Variants in DERA observed in about 807,000 individuals in gnomAD.
DERA encodes deoxyribose-phosphate aldolase.
DERA carries 15 observed loss-of-function variants against 41.1 expected under a neutral mutation model. The ratio of observed to expected loss-of-function variants is 0.37; its 90% CI spans 0.24 to 0.56. DERA has a LOEUF of 0.56. Among genes scored for constraint, DERA ranks in the 20% least tolerant of loss-of-function variants. The pLI, the probability that DERA is intolerant of heterozygous loss-of-function variation, is 0.81. For missense variants in DERA, 396 were observed against 403.4 expected (o/e 0.98, Z 0.16); for synonymous variants, 139 against 137.4 (o/e 1.01, Z -0.08).
intron 6 of DERA, among the ~76,000 whole-genome samples, chr12:16,007,260 T>G (rs3782532): frequency 0.026 from 3,866 of 150,730 alleles, 162 homozygotes; most frequent in African/African-American, 0.081. Context: ...CTTGGCTCAC[T>G]GCAACCTCCG....
rs758347406 is a variant in DERA, at chr12:15,941,122, G to A, written c.32-15814G>A. Among the ~76,000 whole-genome samples, 44 of 152,248 alleles carry A rather than the reference G, an allele frequency of 2.9e-4. No individual in the cohort carries two copies. The highest frequency in any genetic ancestry group is 7.2e-4 in the Admixed American group (11 of 15,298). On this transcript the variant is annotated intron_variant, in intron 1 of 8. Transcript: ENST00000428559. This position sits in a 1 kb window ranked among gnomAD's most constrained non-coding sequence, Gnocchi z 4.5. ...TTACAGAATTTGATAAATCATAAAA[G>A]CATTGCTTTCAGTGTGCTCTCTGCA...
In DERA at chr12:16,003,569, C is replaced by T. The variant is rs972992259; in HGVS notation, c.637+21133C>T. Among the ~76,000 whole-genome samples, 1 of 152,064 alleles carries T rather than the reference C, an allele frequency of 6.6e-6. No individual in the cohort carries two copies. The highest frequency in any genetic ancestry group is 2.4e-5 in the African/African-American group (1 of 41,406). On this transcript the variant is annotated intron_variant, in intron 6 of 8. Transcript: ENST00000428559. The surrounding 1 kb of genome is among the most constrained non-coding windows in gnomAD (Gnocchi z 4.8). ...GGGGTTAGGGTTTGGGTTAGAGAAG[C>T]CTACTACTGTAGGCTAGATGCCAAC...
chr12:15,936,901 C>T lies in DERA; in HGVS notation c.32-20035C>T, dbSNP rs78380131. Among the ~76,000 whole-genome samples, 30,573 of 141,504 alleles carry T rather than the reference C, an allele frequency of 0.22. 3,702 individuals are homozygous for T. Among genetic ancestry groups the T allele is most frequent in the Admixed American group, 0.33 (4,847 of 14,668 alleles). 92.8% of individuals were successfully genotyped at this position (141,504 alleles called of 152,430 possible). A position where few individuals can be genotyped will look rare whatever the true frequency, so the allele number is the denominator to read the frequency against. On this transcript the variant is annotated intron_variant, in intron 1 of 8. Coordinates refer to ENST00000428559, the MANE Select transcript of DERA (RefSeq NM_015954.4). The surrounding 1 kb of genome is among the most constrained non-coding windows in gnomAD (Gnocchi z 4.6). Reference sequence around the variant, plus strand: ...TTGTCTTGTCTTGTCCTGTCCTGTCCTGTCCTGTCCTGTCCTGTCCTGTCC... The same window carrying T: ...TTGTCTTGTCTTGTCCTGTCCTGTCTTGTCCTGTCCTGTCCTGTCCTGTCC...
intron 1 of DERA, among the ~76,000 whole-genome samples, chr12:15,933,447 A>C (rs1948344016): frequency 6.6e-6 from 1 of 151,828 alleles, no homozygotes; most frequent in Admixed American, 6.6e-5. Flanking sequence ...TTCCTCCTAG[A>C]TTTTAAAATA....
In DERA at chr12:15,993,480, C is replaced by CT. The variant is rs74499962; in HGVS notation, c.637+11059dup. On this transcript the variant is annotated intron_variant, in intron 6 of 8. Coordinates refer to ENST00000428559, the MANE Select transcript of DERA (RefSeq NM_015954.4). This position sits in a 1 kb window ranked among gnomAD's most constrained non-coding sequence, Gnocchi z 4.4. ...ATCTAGACTCCTGTGGTGTTGTGGC[C>CT]TTTTTTTTTTTTTTTAAAAAAAATA... Among the ~76,000 whole-genome samples, 8,589 of 135,066 alleles carry CT rather than the reference C, an allele frequency of 0.064. 322 individuals carry two copies. Among genetic ancestry groups the CT allele is most frequent in the Middle Eastern group, 0.12 (31 of 266 alleles). The allele number at this position is 135,066 out of a possible 152,430, so 88.6% of individuals were successfully genotyped here.
chr12:15,920,605 C>A (rs934246109), intron 1 of DERA, among the ~76,000 whole-genome samples: 1 of 151,694 alleles, frequency 6.6e-6, no homozygotes, highest in Non-Finnish European at 1.5e-5. Context: ...GAGGCTGAGG[C>A]GGGCGGATCA....
At position 16,004,566 on chromosome 12, in the gene DERA, C is replaced by T. The variant is rs1411984520; in HGVS notation, c.637+22130C>T. Among the ~76,000 whole-genome samples, 1 of 152,132 alleles carries T rather than the reference C, an allele frequency of 6.6e-6. No homozygotes were observed. The highest frequency in any genetic ancestry group is 2.4e-5 in the African/African-American group (1 of 41,432). On this transcript the variant is annotated intron_variant, in intron 6 of 8. Coordinates refer to ENST00000428559, the MANE Select transcript of DERA (RefSeq NM_015954.4). This position sits in a 1 kb window ranked among gnomAD's most constrained non-coding sequence, Gnocchi z 4.2. ...TCTGACAGAGGAAGAAAGAAAAGGA[C>T]TAACCACCTTTCTAAATGTTTAATA...
intron 1 of DERA, among the ~76,000 whole-genome samples, chr12:15,920,033 A>G (rs1371442774): frequency 6.6e-6 from 1 of 151,462 alleles, no homozygotes. Flanking sequence ...AGAGGGAGGG[A>G]GGGAGAGAGA....
chr12:15,911,477 CG>C lies in DERA; in HGVS notation c.31+67del. The C allele has an allele frequency of 7.2e-7, 1 of 1,384,436 alleles. No homozygotes were observed. Among genetic ancestry groups the C allele is most frequent in the Admixed American group, 3.1e-5 (1 of 32,068 alleles). 85.8% of individuals were successfully genotyped at this position (1,384,436 alleles called of 1,614,324 possible). The stretch of plus-strand genomic sequence containing the variant: ...GCGTTCAGCGCCGCCGGGACTAGCG[CG>C]GGGCCTGCTGCCGCCCAGTGCCCTG... On this transcript the variant is annotated intron_variant, in intron 1 of 8. Transcript: ENST00000428559. This position sits in a 1 kb window ranked among gnomAD's most constrained non-coding sequence, Gnocchi z 4.5.
rs1053406016 is a variant in DERA at position 16,004,108 on chromosome 12, A to G, written c.637+21672A>G. On this transcript the variant is annotated intron_variant, in intron 6 of 8. Transcript: ENST00000428559. This position sits in a 1 kb window ranked among gnomAD's most constrained non-coding sequence, Gnocchi z 4.2. ...ATTTCCAGCCGGCTGTGAATTTACAAACTTTTGGAATGCAATCTATTTCTA... is the reference window on the plus strand; with the variant it reads ...ATTTCCAGCCGGCTGTGAATTTACAGACTTTTGGAATGCAATCTATTTCTA... Among the ~76,000 whole-genome samples, 3 of 152,206 alleles carry G rather than the reference A, an allele frequency of 2.0e-5. No homozygotes were observed. Among genetic ancestry groups the G allele is most frequent in the African/African-American group, 7.2e-5 (3 of 41,454 alleles).
In DERA at chr12:15,992,014, C is replaced by T. The variant is rs1592038973; in HGVS notation, c.637+9578C>T. ...TGCTGTTATACTCTTAGGACAGTTG[C>T]AAATACCAGTAGCATTTGTAACATA... is the stretch of plus-strand genomic sequence containing the variant. On this transcript the variant is annotated intron_variant, in intron 6 of 8. Transcript: ENST00000428559. The surrounding 1 kb of genome is among the most constrained non-coding windows in gnomAD (Gnocchi z 4.3). Among the ~76,000 whole-genome samples the T allele has an allele frequency of 6.6e-6, 1 of 151,926 alleles. No individual in the cohort carries two copies. Among genetic ancestry groups the T allele is most frequent in the Non-Finnish European group, 1.5e-5 (1 of 67,966 alleles).
intron 5 of DERA, among the ~76,000 whole-genome samples, chr12:15,979,733 C>G (rs1383257471): frequency 1.3e-5 from 2 of 152,196 alleles, no homozygotes; most frequent in African/African-American, 4.8e-5. Context: ...CAGTTATGCT[C>G]TAAGTGACCA....
rs1020423972 is a variant in DERA, at chr12:15,995,512, G to A, written c.637+13076G>A. Among the ~76,000 whole-genome samples, 2 of 152,138 alleles carry A rather than the reference G, an allele frequency of 1.3e-5. No homozygotes were observed. Among genetic ancestry groups the A allele is most frequent in the Admixed American group, 6.5e-5 (1 of 15,274 alleles). The stretch of plus-strand genomic sequence containing the variant: ...GGGTTGTGATACAACTGCCACTTGA[G>A]TTCTGTACTTTTCTTCCAGACTCTC... On this transcript the variant is annotated intron_variant, in intron 6 of 8. Transcript: ENST00000428559. This position sits in a 1 kb window ranked among gnomAD's most constrained non-coding sequence, Gnocchi z 5.1.
rs369089827 is a variant in DERA, at chr12:15,943,397, G to C, written c.32-13539G>C. 1.3e-5 allele frequency among the ~76,000 whole-genome samples: 2 copies of C among 152,214 alleles called. No individual in the cohort carries two copies. Among genetic ancestry groups the C allele is most frequent in the East Asian group, 1.9e-4 (1 of 5,186 alleles). The stretch of plus-strand genomic sequence containing the variant: ...TGCTTGAGCTTCCTACTTGACTTTC[G>C]CACCACAGCCAGAGGGGTTATTTAA... On this transcript the variant is annotated intron_variant, in intron 1 of 8. Transcript: ENST00000428559. The surrounding 1 kb of genome is among the most constrained non-coding windows in gnomAD (Gnocchi z 4.5).
intron 1 of DERA, among the ~76,000 whole-genome samples, chr12:15,914,880 A>G (rs1359424358): frequency 6.6e-6 from 1 of 152,140 alleles, no homozygotes; most frequent in Non-Finnish European, 1.5e-5. Flanking sequence ...GGTTCAAGCA[A>G]TCCTCCTGCC....
chr12:15,926,645 G>A (rs143785992), intron 1 of DERA, among the ~76,000 whole-genome samples: 4,342 of 151,608 alleles, frequency 0.029, 152 homozygotes, highest in African/African-American at 0.078. Context: ...CTGAGGCAGG[G>A]GAATGGCGTG....
At chr12:16,030,772 G>A (rs1949087387) in intron 6 of DERA, among the ~76,000 whole-genome samples, 1 of 152,150 alleles carries the variant, frequency 6.6e-6, no homozygotes, top group South Asian at 2.1e-4. Flanking sequence ...TGCTCACAAA[G>A]GCAGGAACTT....
Position 15,936,850 on chromosome 12 carries a change from GTTGTCTTGTC to G in DERA, c.32-20055_32-20046del, listed in dbSNP as rs71438362. The stretch of plus-strand genomic sequence containing the variant: ...CTTATTTCTGCATCTTCTGTCTTGT[GTTGTCTTGTC>G]TTGTCTTGTCTTGTCTTGTCTTGTC... On this transcript the variant is annotated intron_variant, in intron 1 of 8. Coordinates refer to ENST00000428559, the MANE Select transcript of DERA (RefSeq NM_015954.4). This position sits in a 1 kb window ranked among gnomAD's most constrained non-coding sequence, Gnocchi z 4.6. Among the ~76,000 whole-genome samples, 26 of 129,506 alleles carry G rather than the reference GTTGTCTTGTC, an allele frequency of 2.0e-4. No individual in the cohort carries two copies. Among genetic ancestry groups the G allele is most frequent in the South Asian group, 5.0e-4 (2 of 3,972 alleles). 85.0% of individuals were successfully genotyped at this position (129,506 alleles called of 152,430 possible).
At chr12:15,974,800 A>C (rs995213309) in intron 5 of DERA, among the ~76,000 whole-genome samples, 1 of 152,074 alleles carries the variant, frequency 6.6e-6, no homozygotes, top group African/African-American at 2.4e-5. Flanking sequence ...CATTTCTTCT[A>C]TACTTAAGAG....
Sources: allele counts gnomAD v4.1 joint callset (sites outside exome capture counted in the v4.1 genomes callset), GRCh38; gene constraint gnomAD v4.1.1; non-coding constraint Gnocchi (gnomAD v3.1); transcripts MANE v1.5; gene names NCBI Gene and HGNC (gene_info 2026-07-23, HGNC 2026-07-21).